AUTS2: variants seen among roughly 807,000 people sequenced by gnomAD.
AUTS2 encodes autism susceptibility gene 2 protein.
In AUTS2, 17 loss-of-function variants were observed where a neutral mutation model predicts 112.4. The observed-to-expected ratio is 0.15, with a 90% confidence interval of 0.10 to 0.23. AUTS2 has a LOEUF of 0.23. Ranked by LOEUF, AUTS2 falls within the 10% of genes least tolerant of loss-of-function variation. AUTS2 has a pLI of 1.00. For synonymous variants in AUTS2, 751 were observed against 702.7 expected (o/e 1.07, Z -1.09); for missense variants, 1,510 against 1,701.6 (o/e 0.89, Z 1.98).
intron 5 of AUTS2, among the ~76,000 whole-genome samples, chr7:70,684,252 A>T (rs1054822372): frequency 6.6e-6 from 1 of 152,212 alleles, no homozygotes; most frequent in Admixed American, 6.5e-5. Flanking sequence ...GAGATAGCAA[A>T]GCCTTTGAGT....
chr7:70,496,393 G>A (rs1293767091), intron 5 of AUTS2, among the ~76,000 whole-genome samples: 5 of 64,510 alleles, frequency 7.8e-5, no homozygotes, highest in African/African-American at 1.2e-4. Flanking sequence ...CACACACCAC[G>A]TACACAGTCA....
chr7:70,574,270 A>G (rs753270195), intron 5 of AUTS2, among the ~76,000 whole-genome samples: 3 of 152,202 alleles, frequency 2.0e-5, no homozygotes, highest in Non-Finnish European at 4.4e-5. Context: ...CATCTGAAAA[A>G]AGGTCTTTTT....
At chr7:69,847,998 G>A (rs959629643) in intron 1 of AUTS2, among the ~76,000 whole-genome samples, 23 of 152,258 alleles carry the variant, frequency 1.5e-4, no homozygotes, top group African/African-American at 5.1e-4. Flanking sequence ...TTGGTGGGAG[G>A]TTCTGATTCT....
chr7:70,486,899 C>CA (rs917184277), intron 5 of AUTS2, among the ~76,000 whole-genome samples: 7 of 106,960 alleles, frequency 6.5e-5, no homozygotes, highest in East Asian at 3.0e-4. Flanking sequence ...TTTTGTATTC[C>CA]CCCCCCCCCA....
intron 1 of AUTS2, among the ~76,000 whole-genome samples, chr7:69,731,733 T>TCAGACA (rs2129231702): frequency 6.6e-6 from 1 of 152,318 alleles, no homozygotes; most frequent in South Asian, 2.1e-4. Flanking sequence ...TTGTCACGTA[T>TCAGACA]CTTCATGCCA....
intron 5 of AUTS2, among the ~76,000 whole-genome samples, chr7:70,567,456 C>T (rs2129524749): frequency 6.6e-6 from 1 of 152,278 alleles, no homozygotes; most frequent in East Asian, 1.9e-4. Flanking sequence ...TGTCCTTGGG[C>T]AAGCCACTTA....
chr7:70,778,907 T>C (rs1027794879), intron 14 of AUTS2, among the ~76,000 whole-genome samples: 4 of 152,228 alleles, frequency 2.6e-5, no homozygotes, highest in Non-Finnish European at 5.9e-5. Context: ...AGATGAGGGA[T>C]GTTGCACGTG....
At chr7:69,855,242 G>A (rs749823650) in intron 1 of AUTS2, among the ~76,000 whole-genome samples, 5 of 152,132 alleles carry the variant, frequency 3.3e-5, no homozygotes, top group Non-Finnish European at 7.4e-5. Context: ...GCAAATCAGA[G>A]GTTATAGTTC....
intron 5 of AUTS2, among the ~76,000 whole-genome samples, chr7:70,639,112 A>G (rs918461513): frequency 6.6e-6 from 1 of 152,178 alleles, no homozygotes; most frequent in South Asian, 2.1e-4. Flanking sequence ...AGCGCATAAT[A>G]TATGTCAAAG....
At chr7:69,730,497 G>C (rs1786746044) in intron 1 of AUTS2, among the ~76,000 whole-genome samples, 1 of 152,136 alleles carries the variant, frequency 6.6e-6, no homozygotes, top group Non-Finnish European at 1.5e-5. Flanking sequence ...TATGAGGAAA[G>C]GTGGGCTAAA....
intron 1 of AUTS2, among the ~76,000 whole-genome samples, chr7:69,850,456 C>G (rs1031777336): frequency 8.2e-6 from 1 of 121,560 alleles, no homozygotes; most frequent in African/African-American, 3.0e-5. Context: ...TCCAGAGTGA[C>G]TGTACCATTG....
intron 1 of AUTS2, among the ~76,000 whole-genome samples, chr7:69,846,816 C>T (rs752295023): frequency 7.2e-5 from 11 of 152,304 alleles, no homozygotes; most frequent in Middle Eastern, 3.4e-3. Flanking sequence ...TCAAGTGATC[C>T]GCCTGCCTTG....
chr7:70,000,479 G>C (rs1215394857), intron 2 of AUTS2, among the ~76,000 whole-genome samples: 2 of 152,180 alleles, frequency 1.3e-5, no homozygotes, highest in African/African-American at 2.4e-5. Context: ...ACAGCAGTGG[G>C]ACATCTATCC....
intron 1 of AUTS2, among the ~76,000 whole-genome samples, chr7:69,710,090 C>T (rs1001109752): frequency 6.6e-6 from 1 of 152,132 alleles, no homozygotes; most frequent in Non-Finnish European, 1.5e-5. Context: ...AGATCATTTT[C>T]TAGCTCCCTA....
At chr7:70,765,699 C>T (rs750176799) in intron 8 of AUTS2, among the ~76,000 whole-genome samples, 21 of 152,184 alleles carry the variant, frequency 1.4e-4, no homozygotes, top group Non-Finnish European at 1.5e-4. Flanking sequence ...AGCACTTAAA[C>T]GTGCAAATTG....
chr7:70,509,914 T>G (rs982602615), intron 5 of AUTS2, among the ~76,000 whole-genome samples: 1 of 152,192 alleles, frequency 6.6e-6, no homozygotes, highest in Non-Finnish European at 1.5e-5. Flanking sequence ...CTTTCTTACA[T>G]CAACTTCATT....
At chr7:70,430,741 G>A (rs563357878) in intron 4 of AUTS2, among the ~76,000 whole-genome samples, 3 of 151,488 alleles carry the variant, frequency 2.0e-5, no homozygotes, top group South Asian at 4.2e-4. Context: ...TCTAAAGGAT[G>A]TGCAATTGAA....
chr7:69,760,604 T>G (rs2129285225), intron 1 of AUTS2, among the ~76,000 whole-genome samples: 1 of 152,168 alleles, frequency 6.6e-6, no homozygotes, highest in Non-Finnish European at 1.5e-5. Flanking sequence ...CAGTGGATCA[T>G]GAGGTCAGGA....
chr7:70,600,994 A>G (rs1350990562), intron 5 of AUTS2, among the ~76,000 whole-genome samples: 1 of 152,194 alleles, frequency 6.6e-6, no homozygotes, highest in Non-Finnish European at 1.5e-5. Context: ...ATTGGTGTAC[A>G]AGTTTCTGTA....
Sources: gnomAD v4.1 joint callset for allele counts (sites outside exome capture counted in the v4.1 genomes callset) on GRCh38, gnomAD v4.1.1 for gene constraint, MANE v1.5 for transcripts, NCBI Gene and HGNC (gene_info 2026-07-23, HGNC 2026-07-21) for gene names.